Variants in BBOX1 observed in about 807,000 individuals in gnomAD.
BBOX1 encodes the protein gamma-butyrobetaine hydroxylase 1, also known as gamma-butyrobetaine dioxygenase.
Under a neutral mutation model 41.6 loss-of-function variants are expected in BBOX1, and 35 were observed. That is an observed-to-expected ratio of 0.84 (90% confidence interval 0.64 to 1.11). The LOEUF (loss-of-function observed/expected upper bound fraction) is 1.11. Ranked by LOEUF, BBOX1 falls within the 50% of genes most tolerant of loss-of-function variation. BBOX1 has a pLI of 0.00. For missense variants in BBOX1, 458 were observed against 460.6 expected, an observed-to-expected ratio of 0.99 and a Z score of 0.05; for synonymous variants, 163 against 154.7, an observed-to-expected ratio of 1.05 and a Z score of -0.40.
Position 27,125,641 on chromosome 11 carries a change from C to G in BBOX1, c.837-13C>G, listed in dbSNP as rs1384137787. On this transcript the variant is annotated splice_polypyrimidine_tract_variant and intron_variant, in intron 7 of 8. Transcript: ENST00000263182. Reference sequence around the variant, plus strand: ...CATGAATTATATATTAATTTTTTCTCTTAATAAAACAGGTTAGATGATAAA... The same window carrying G: ...CATGAATTATATATTAATTTTTTCTGTTAATAAAACAGGTTAGATGATAAA... 2 of 1,484,760 alleles carry G rather than the reference C, an allele frequency of 1.3e-6. No homozygotes were observed. The highest frequency in any genetic ancestry group is 2.5e-5 in the Admixed American group (1 of 39,634). The allele number at this position is 1,484,760 out of a possible 1,614,324, so 92.0% of individuals were successfully genotyped here.
At position 27,115,672 on chromosome 11, in the gene BBOX1, T is replaced by A; in HGVS notation, c.639+115T>A. The A allele has an allele frequency of 5.9e-6, 5 of 853,316 alleles. No individual in the cohort carries two copies. In the South Asian group the frequency reaches 8.7e-5, roughly 15 times the overall value. 52.9% of individuals were successfully genotyped at this position (853,316 alleles called of 1,614,324 possible). ...GGTAGTTTGTCTTTTATAAATTTTT[T>A]CTCCAAACACAATCCAAGCTCACAA... is the stretch of plus-strand genomic sequence containing the variant. On this transcript the variant is annotated intron_variant, in intron 6 of 8. Coordinates refer to ENST00000263182, the MANE Select transcript of BBOX1 (RefSeq NM_003986.3).
chr11:27,055,493 G>A lies in BBOX1; in HGVS notation c.63G>A (p.Trp21Ter). The A allele has an allele frequency of 1.2e-6, 2 of 1,614,162 alleles. No homozygotes were observed. Among genetic ancestry groups the A allele is most frequent in the South Asian group, 2.2e-5 (2 of 91,086 alleles). ...LDGAHLMQIL[W>*]YDEEESLYPA... is the part of the protein sequence containing the mutation. The stretch of plus-strand genomic sequence containing the variant: ...GGGCTCATTTGATGCAGATCCTCTG[G>A]TATGATGAGGAAGAGTCTCTCTACC... Residue 21 changes from tryptophan to a stop codon, truncating the protein, a stop_gained, in exon 3 of 9, where the codon TGG (tryptophan) becomes TGA (stop). Coordinates refer to ENST00000263182, the MANE Select transcript of BBOX1 (RefSeq NM_003986.3). LOFTEE classifies it high-confidence loss of function.
intron 7 of BBOX1, among the ~76,000 whole-genome samples, chr11:27,122,965 C>G (rs745643902): frequency 6.6e-6 from 1 of 152,106 alleles, no homozygotes; most frequent in Non-Finnish European, 1.5e-5. Context: ...TTACATTAGA[C>G]CCTGCTGTTC....
At chr11:27,065,916 A>C (rs1290138453) in intron 4 of BBOX1, among the ~76,000 whole-genome samples, 1 of 152,178 alleles carries the variant, frequency 6.6e-6, no homozygotes, top group Non-Finnish European at 1.5e-5. Context: ...GGTATCTTAA[A>C]ATATTTAAAA....
At chr11:27,125,917 C>A in intron 8 of BBOX1, 97 bp downstream of exon 8, 1 of 1,268,768 alleles carries the variant, frequency 7.9e-7, no homozygotes, top group South Asian at 1.6e-5. Context: ...TCAGGTATGG[C>A]ATGTAGAACA....
intron 8 of BBOX1, 134 bp from the exon 9 acceptor site, chr11:27,127,159 A>G (rs1409668537): frequency 1.0e-6 from 1 of 966,512 alleles, no homozygotes; most frequent in Non-Finnish European, 1.5e-6. Context: ...GTAAATGTGC[A>G]GTTTCATGTA....
At chr11:27,125,536 A>T in intron 7 of BBOX1, 118 bp from the exon 8 acceptor site, 1 of 839,496 alleles carries the variant, frequency 1.2e-6, no homozygotes, top group Non-Finnish European at 1.8e-6. Context: ...TCTTCTGTAC[A>T]TGTATTTGGA....
At chr11:27,076,515 A>G (rs1482651236) in intron 4 of BBOX1, among the ~76,000 whole-genome samples, 1 of 152,192 alleles carries the variant, frequency 6.6e-6, no homozygotes, top group Non-Finnish European at 1.5e-5. Context: ...GCCTCCAGCC[A>G]GGAGGTGGTA....
intron 4 of BBOX1, among the ~76,000 whole-genome samples, chr11:27,086,125 A>T (rs930862436): frequency 4.6e-5 from 7 of 152,128 alleles, no homozygotes; most frequent in African/African-American, 1.7e-4. Flanking sequence ...AGCAATTGTG[A>T]TGGAGAAGCT....
At chr11:27,060,103 T>C (rs1284252451) in intron 4 of BBOX1, among the ~76,000 whole-genome samples, 2 of 152,180 alleles carry the variant, frequency 1.3e-5, no homozygotes, top group Non-Finnish European at 2.9e-5. Flanking sequence ...CCAAATCTCA[T>C]GTTGAACTGT....
chr11:27,059,235 G>A (rs1186903149), intron 4 of BBOX1, among the ~76,000 whole-genome samples: 1 of 152,248 alleles, frequency 6.6e-6, no homozygotes, highest in East Asian at 1.9e-4. Flanking sequence ...ATAAGCTACT[G>A]TAAGACTTGG....
chr11:27,088,231 G>A (rs1250666881), intron 4 of BBOX1, among the ~76,000 whole-genome samples: 2 of 151,892 alleles, frequency 1.3e-5, no homozygotes, highest in Admixed American at 6.6e-5. Flanking sequence ...TAAACTCAAC[G>A]TTTAAAGAAA....
chr11:27,049,128 A>T (rs9667425), intron 2 of BBOX1, among the ~76,000 whole-genome samples: 132,257 of 149,042 alleles, frequency 0.89, 57,864 homozygotes, highest in Middle Eastern at 0.97. Flanking sequence ...GTGCCACATA[A>T]GTTATTTGGG....
intron 2 of BBOX1, among the ~76,000 whole-genome samples, chr11:27,044,573 C>A (rs1000019485): frequency 1.1e-4 from 16 of 152,072 alleles, no homozygotes; most frequent in African/African-American, 3.9e-4. Context: ...TTAGGTCTTG[C>A]GTTTAAGTCT....
At chr11:27,094,742 T>A (rs1858374929) in intron 5 of BBOX1, among the ~76,000 whole-genome samples, 1 of 151,920 alleles carries the variant, frequency 6.6e-6, no homozygotes. Flanking sequence ...TGAAAGACTC[T>A]GCCATCTCTG....
chr11:27,052,126 C>A (rs1375990347), intron 2 of BBOX1, among the ~76,000 whole-genome samples: 1 of 151,856 alleles, frequency 6.6e-6, no homozygotes, highest in Non-Finnish European at 1.5e-5. Context: ...AGTTTTTCCC[C>A]TGGTATTGAT....
At chr11:27,113,116 C>T (rs1337672717) in intron 5 of BBOX1, among the ~76,000 whole-genome samples, 2 of 151,798 alleles carry the variant, frequency 1.3e-5, no homozygotes, top group Non-Finnish European at 2.9e-5. Flanking sequence ...CTATCTCATA[C>T]CAGTCAGAAT....
At chr11:27,102,208 A>T (rs1858687557) in intron 5 of BBOX1, among the ~76,000 whole-genome samples, 2 of 152,134 alleles carry the variant, frequency 1.3e-5, no homozygotes, top group South Asian at 4.1e-4. Flanking sequence ...CATGTGGTTG[A>T]TAATACTCTA....
At chr11:27,103,673 C>T (rs2134067591) in intron 5 of BBOX1, among the ~76,000 whole-genome samples, 1 of 151,526 alleles carries the variant, frequency 6.6e-6, no homozygotes, top group African/African-American at 2.4e-5. Context: ...TTGATGAAGA[C>T]TTTTGGATTC....
Sources: allele counts gnomAD v4.1 joint callset (sites outside exome capture counted in the v4.1 genomes callset), GRCh38; gene constraint gnomAD v4.1.1; transcripts MANE v1.5; gene names NCBI Gene and HGNC (gene_info 2026-07-23, HGNC 2026-07-21).